WASF3: variants seen among roughly 807,000 people sequenced by gnomAD.
WASF3 encodes the protein WASP family member 3.
WASF3 carries 11 observed loss-of-function variants against 46.6 expected under a neutral mutation model. The ratio of observed to expected loss-of-function variants is 0.24; its 90% CI spans 0.15 to 0.39. The LOEUF (loss-of-function observed/expected upper bound fraction) is 0.39. WASF3 is among the 10% of genes least tolerant of loss of function. The pLI is 1.00. For missense variants in WASF3, 576 were observed against 669.8 expected, an observed-to-expected ratio of 0.86 and a Z score of 1.55; for synonymous variants, 242 against 259.7, an observed-to-expected ratio of 0.93 and a Z score of 0.65.
intron 4 of WASF3, among the ~76,000 whole-genome samples, chr13:26,666,542 AG>A: frequency 6.6e-6 from 1 of 152,174 alleles, no homozygotes; most frequent in East Asian, 1.9e-4. Context: ...TCTGAAGCTC[AG>A]CTTCAGTGGT....
intron 1 of WASF3, among the ~76,000 whole-genome samples, chr13:26,588,139 A>C (rs1255696022): frequency 2.0e-5 from 3 of 152,242 alleles, no homozygotes; most frequent in African/African-American, 4.8e-5. Context: ...AATGTGATAA[A>C]TCAGATAAGC....
Position 26,686,163 on chromosome 13 carries a change from A to C in WASF3, c.*318A>C. 4.0e-6 allele frequency: 1 copy of C among 247,544 alleles called. No individual in the cohort carries two copies. Among genetic ancestry groups the C allele is most frequent in the South Asian group, 9.7e-5 (1 of 10,282 alleles). 15.3% of individuals were successfully genotyped at this position (247,544 alleles called of 1,614,324 possible). On this transcript the variant is annotated 3_prime_UTR_variant, in exon 10 of 10. Transcript: ENST00000335327. ...GGGTTTACTCTTACTGATCAATATAACTCTGCAGACTTGCTGTGTGTTTGT... is the reference window on the plus strand; with the variant it reads ...GGGTTTACTCTTACTGATCAATATACCTCTGCAGACTTGCTGTGTGTTTGT...
At chr13:26,667,420 C>T in intron 4 of WASF3, 97 bp from the exon 5 acceptor site, 1 of 1,069,308 alleles carries the variant, frequency 9.4e-7, no homozygotes, top group Non-Finnish European at 1.3e-6. Context: ...TTTGGTTGTT[C>T]TAGGAGGTGT....
chr13:26,662,713 G>C (rs1043890638), intron 3 of WASF3, among the ~76,000 whole-genome samples: 13 of 152,166 alleles, frequency 8.5e-5, no homozygotes, highest in African/African-American at 3.1e-4. Flanking sequence ...CACTACCTGG[G>C]TATGGGATCA....
chr13:26,672,096 G>GT, intron 6 of WASF3, 107 bp downstream of exon 6: 1 of 864,500 alleles, frequency 1.2e-6, no homozygotes, highest in Non-Finnish European at 1.8e-6. Context: ...TAGTGCTGAA[G>GT]TTTTTTTAGA....
In WASF3 at chr13:26,682,970, A is replaced by C. The variant is rs750482404; in HGVS notation, c.1347A>C (p.Arg449=). ...DARSDLLAAI[R]MGIQLKKVQE... ...GAAGCGACCTCCTCGCTGCTATTCG[A>C]ATGGGTAAGTGGAGCCCCCAGACAC... Residue 449 remains arginine (R), a synonymous_variant, in exon 9 of 10, where the codon CGA becomes CGC. Coordinates refer to ENST00000335327, the MANE Select transcript of WASF3 (RefSeq NM_006646.6). This position sits in a 1 kb window ranked among gnomAD's most constrained non-coding sequence, Gnocchi z 4.4. 4 of 1,601,988 alleles carry C rather than the reference A, an allele frequency of 2.5e-6. No homozygotes were observed. In the East Asian group the frequency reaches 6.7e-5, roughly 27 times the overall value.
the WASF3 span, among the ~76,000 whole-genome samples, chr13:26,548,720 C>T: frequency 6.6e-6 from 1 of 152,150 alleles, no homozygotes. Context: ...CCTCTTCTTC[C>T]AGCTTCTCTG....
chr13:26,593,169 A>G (rs1880355460), intron 1 of WASF3, among the ~76,000 whole-genome samples: 1 of 152,178 alleles, frequency 6.6e-6, no homozygotes, highest in African/African-American at 2.4e-5. Flanking sequence ...TGTAAAAAAT[A>G]TCATCTTAGC....
At chr13:26,661,437 G>A (rs763671874) in intron 3 of WASF3, among the ~76,000 whole-genome samples, 1 of 152,174 alleles carries the variant, frequency 6.6e-6, no homozygotes, top group East Asian at 1.9e-4. Context: ...CCATGTTGTA[G>A]CATGTGTCAG....
At chr13:26,637,838 C>G (rs1388560543) in intron 2 of WASF3, among the ~76,000 whole-genome samples, 1 of 152,204 alleles carries the variant, frequency 6.6e-6, no homozygotes, top group African/African-American at 2.4e-5. Flanking sequence ...GAGCATGTCC[C>G]AGATCCCCCA....
chr13:26,668,294 C>T (rs1055301649), intron 5 of WASF3, among the ~76,000 whole-genome samples: 13 of 152,264 alleles, frequency 8.5e-5, no homozygotes, highest in African/African-American at 2.9e-4. Context: ...CTTCTCCCAG[C>T]TCAGCACTTT....
At chr13:26,673,302 TA>T (rs1477262925) in intron 6 of WASF3, among the ~76,000 whole-genome samples, 1 of 152,218 alleles carries the variant, frequency 6.6e-6, no homozygotes, top group African/African-American at 2.4e-5. Flanking sequence ...AATCATTTGT[TA>T]TTTCCTGTGC....
the WASF3 span, among the ~76,000 whole-genome samples, chr13:26,539,718 C>T: frequency 2.0e-5 from 3 of 152,194 alleles, no homozygotes; most frequent in East Asian, 3.8e-4. Flanking sequence ...AATGTCTCTC[C>T]ATTTCTTTCT....
At chr13:26,651,138 A>G (rs1445355178) in intron 3 of WASF3, among the ~76,000 whole-genome samples, 2 of 152,176 alleles carry the variant, frequency 1.3e-5, no homozygotes, top group African/African-American at 4.8e-5. Context: ...CCTCGCCAAC[A>G]TGATGAAACC....
At chr13:26,551,713 G>A in the WASF3 span, among the ~76,000 whole-genome samples, 3 of 152,196 alleles carry the variant, frequency 2.0e-5, no homozygotes, top group Non-Finnish European at 2.9e-5. Context: ...AAGGGCAGGA[G>A]GGGTATTCAG....
chr13:26,576,330 C>CT (rs1029134171), intron 1 of WASF3, among the ~76,000 whole-genome samples: 1 of 151,136 alleles, frequency 6.6e-6, no homozygotes, highest in Admixed American at 6.6e-5. Flanking sequence ...TCATTACTTT[C>CT]TTTTTTTTTC....
chr13:26,582,641 C>T (rs1253428118), intron 1 of WASF3, among the ~76,000 whole-genome samples: 6 of 129,004 alleles, frequency 4.7e-5, no homozygotes, highest in Admixed American at 9.0e-5. Flanking sequence ...CATACCACTA[C>T]ACTCTAGCCT....
At chr13:26,615,076 G>A (rs1881090008) in intron 2 of WASF3, among the ~76,000 whole-genome samples, 1 of 151,994 alleles carries the variant, frequency 6.6e-6, no homozygotes, top group Admixed American at 6.6e-5. Flanking sequence ...GCCCATCAGA[G>A]GTGGCCTTTT....
intron 1 of WASF3, among the ~76,000 whole-genome samples, chr13:26,607,321 G>T (rs957713944): frequency 5.3e-5 from 8 of 152,118 alleles, no homozygotes; most frequent in Admixed American, 6.5e-5. Context: ...TAAAAATAAA[G>T]ATCTAATTGG....
Sources: gnomAD v4.1 joint callset for allele counts (sites outside exome capture counted in the v4.1 genomes callset) on GRCh38, gnomAD v4.1.1 for gene constraint, Gnocchi (gnomAD v3.1) non-coding constraint, MANE v1.5 for transcripts, NCBI Gene and HGNC (gene_info 2026-07-23, HGNC 2026-07-21) for gene names.